The following GTF3A variants were observed in gnomAD, a reference collection of about 807,000 sequenced individuals.
The protein encoded by GTF3A is general transcription factor IIIA.
GTF3A carries 40 observed loss-of-function variants against 37.6 expected under a neutral mutation model. That is an observed-to-expected ratio of 1.06 (90% CI 0.83 to 1.38). GTF3A has a LOEUF of 1.38. Among genes scored for constraint, GTF3A ranks in the 40% most tolerant of loss-of-function variants. The pLI is 0.00. For synonymous variants in GTF3A, 191 were observed against 166.7 expected (o/e 1.15, Z -1.12); for missense variants, 500 against 462.6 (o/e 1.08, Z -0.74).
intron 4 of GTF3A, among the ~76,000 whole-genome samples, chr13:27,431,615 T>C (rs2138025902): frequency 6.6e-6 from 1 of 152,098 alleles, no homozygotes; most frequent in East Asian, 1.9e-4. Flanking sequence ...TTCATAAACT[T>C]TGGGGACTTG....
chr13:27,429,243 G>C (rs1026028153), intron 2 of GTF3A: 1 of 139,802 alleles, frequency 7.2e-6, no homozygotes, highest in Non-Finnish European at 1.5e-5. Flanking sequence ...AGGAAGTCCT[G>C]CTTCATCCCT....
At chr13:27,435,412 G>T (rs765197742) in intron 8 of GTF3A, 21 bp from the exon 9 acceptor site, 2 of 1,605,300 alleles carry the variant, frequency 1.2e-6, no homozygotes, top group East Asian at 2.2e-5. Flanking sequence ...TTCTAATCGT[G>T]TGTCTTCCTT....
At position 27,430,022 on chromosome 13, in the gene GTF3A, T is replaced by C. The variant is rs1446611187; in HGVS notation, c.399+56T>C. The C allele has an allele frequency of 2.0e-5, 19 of 927,912 alleles. No homozygotes were observed. In the African/African-American group the frequency reaches 2.5e-4, roughly 12 times the overall value. 57.5% of individuals were successfully genotyped at this position (927,912 alleles called of 1,614,324 possible). A position where few individuals can be genotyped will look rare whatever the true frequency, so the allele number is the denominator to read the frequency against. On this transcript the variant is annotated intron_variant, in intron 3 of 8. Transcript: ENST00000381140. ...TGAGTATTTTTACACTTACTGCCTA[T>C]GTTTCTGACATTTTCAGCCAGGTGC...
chr13:27,424,896 A>G lies in GTF3A; in HGVS notation c.159A>G (p.Lys53=). The change falls in exon 1 of 9, where the codon AAA becomes AAG. Residue 53 remains lysine (K), a synonymous_variant. Coordinates refer to ENST00000381140, the MANE Select transcript of GTF3A (RefSeq NM_002097.3). The stretch of plus-strand genomic sequence containing the variant: ...CTGACTGCAGCGCCAATTACAGCAA[A>G]GCCTGGAAGCTTGACGCGCACCTGT... 1 of 1,549,928 alleles carries G rather than the reference A, an allele frequency of 6.5e-7. No homozygotes were observed. The highest frequency in any genetic ancestry group is 8.7e-7 in the Non-Finnish European group (1 of 1,146,276).
In GTF3A at chr13:27,429,958, C is replaced by T; in HGVS notation, c.391C>T (p.Gln131Ter). 1 of 1,476,324 alleles carries T rather than the reference C, an allele frequency of 6.8e-7. No individual in the cohort carries two copies. Among genetic ancestry groups the T allele is most frequent in the East Asian group, 2.5e-5 (1 of 39,976 alleles). The allele number at this position is 1,476,324 out of a possible 1,614,324, so 91.5% of individuals were successfully genotyped here. Residue 131 changes from glutamine (Q) to a stop codon, truncating the protein, a stop_gained, in exon 3 of 9, where the codon CAA (glutamine) becomes TAA (stop). Coordinates refer to ENST00000381140, the MANE Select transcript of GTF3A (RefSeq NM_002097.3). LOFTEE classifies it high-confidence loss of function. ...ACGCAAACATGAAAATCAACAAAAA[C>T]AATATATAGTAAGTATGATTTTATA...
intron 2 of GTF3A, chr13:27,429,237 A>T (rs555283265): frequency 4.1e-5 from 6 of 146,054 alleles, no homozygotes; most frequent in African/African-American, 1.5e-4. Flanking sequence ...TGGGAAAGGA[A>T]GTCCTGCTTC....
At chr13:27,432,346 G>A (rs1250434847) in intron 4 of GTF3A, among the ~76,000 whole-genome samples, 1 of 152,110 alleles carries the variant, frequency 6.6e-6, no homozygotes, top group Non-Finnish European at 1.5e-5. Flanking sequence ...GTGCTGTCTC[G>A]CACACCCCCT....
chr13:27,428,113 T>C (rs762804711), intron 2 of GTF3A, among the ~76,000 whole-genome samples: 33 of 152,090 alleles, frequency 2.2e-4, no homozygotes, highest in Non-Finnish European at 4.3e-4. Context: ...ATTAAAGAAA[T>C]AAATAAATAA....
chr13:27,427,215 G>C, intron 2 of GTF3A, 23 bp downstream of exon 2: 1 of 1,209,774 alleles, frequency 8.3e-7, no homozygotes, highest in Non-Finnish European at 1.2e-6. Context: ...CTGTTTTTAG[G>C]CTTTTGAAGT....
rs746719771 is a variant in GTF3A, at chr13:27,434,932, T to C, written c.771T>C (p.Tyr257=). Reference sequence around the variant, plus strand: ...CAAGAGAAGGCTGTGGAAGAACCTATACAACTGTGTTTAATCTCCAAAGCC... The same window carrying C: ...CAAGAGAAGGCTGTGGAAGAACCTACACAACTGTGTTTAATCTCCAAAGCC... Residue 257 remains tyrosine, a synonymous_variant, in exon 7 of 9, where the codon TAT becomes TAC. Coordinates refer to ENST00000381140, the MANE Select transcript of GTF3A (RefSeq NM_002097.3). 3 of 1,610,012 alleles carry C rather than the reference T, an allele frequency of 1.9e-6. No homozygotes were observed. The highest frequency in any genetic ancestry group is 2.2e-5 in the East Asian group (1 of 44,854).
chr13:27,427,720 T>C (rs1953618229), intron 2 of GTF3A, among the ~76,000 whole-genome samples: 1 of 152,074 alleles, frequency 6.6e-6, no homozygotes, highest in South Asian at 2.1e-4. Context: ...GAAGCAACTA[T>C]ATTTGTATTT....
At chr13:27,430,320 G>C (rs1953645622) in intron 3 of GTF3A, among the ~76,000 whole-genome samples, 1 of 152,122 alleles carries the variant, frequency 6.6e-6, no homozygotes, top group African/African-American at 2.4e-5. Flanking sequence ...TAGTGTATTG[G>C]GAGACTATTC....
At chr13:27,434,410 T>C (rs1411239908) in intron 6 of GTF3A, among the ~76,000 whole-genome samples, 191 bp downstream of exon 6, 2 of 152,198 alleles carry the variant, frequency 1.3e-5, no homozygotes, top group Non-Finnish European at 2.9e-5. Flanking sequence ...CACCCCACCA[T>C]GCACAATTAG....
rs756621481 is a variant in GTF3A, at chr13:27,435,809, C to G, written c.*212C>G. 6.2e-7 allele frequency: 1 copy of G among 1,614,180 alleles called. No homozygotes were observed. Among genetic ancestry groups the G allele is most frequent in the East Asian group, 2.2e-5 (1 of 44,884 alleles). On this transcript the variant is annotated 3_prime_UTR_variant, in exon 9 of 9. Coordinates refer to ENST00000381140, the MANE Select transcript of GTF3A (RefSeq NM_002097.3). Reference sequence around the variant, plus strand: ...AAAGCACGAAGAACACACATTAAAGCTTTTCCTCCTTGAACAGCTTGTGGC... The same window carrying G: ...AAAGCACGAAGAACACACATTAAAGGTTTTCCTCCTTGAACAGCTTGTGGC...
chr13:27,426,742 G>T (rs1953607991), intron 1 of GTF3A, among the ~76,000 whole-genome samples: 1 of 152,130 alleles, frequency 6.6e-6, no homozygotes, highest in South Asian at 2.1e-4. Flanking sequence ...TCATGCGGTG[G>T]TGGGGATCCA....
Position 27,434,210 on chromosome 13 carries a change from A to T in GTF3A, c.634A>T (p.Thr212Ser). The change falls in exon 6 of 9, where the codon ACC becomes TCC. Residue 212 changes from threonine to serine, a missense_variant. Coordinates refer to ENST00000381140, the MANE Select transcript of GTF3A (RefSeq NM_002097.3). ...GGAACTTCTGAAACATGTGAGAGAA[A>T]CCCATAAAGGTAAGGCAGGCATGAA... 7.9e-7 allele frequency: 1 copy of T among 1,267,340 alleles called. No individual in the cohort carries two copies. Among genetic ancestry groups the T allele is most frequent in the Non-Finnish European group, 1.2e-6 (1 of 863,196 alleles). 78.5% of individuals were successfully genotyped at this position (1,267,340 alleles called of 1,614,324 possible). A position where few individuals can be genotyped will look rare whatever the true frequency, so the allele number is the denominator to read the frequency against.
At chr13:27,431,467 C>T (rs774607945) in intron 4 of GTF3A, among the ~76,000 whole-genome samples, 5 of 152,128 alleles carry the variant, frequency 3.3e-5, no homozygotes, top group Non-Finnish European at 5.9e-5. Flanking sequence ...TAAAAGGGAA[C>T]AAAATGATGT....
rs1401977623 is a variant in GTF3A at position 27,424,876 on chromosome 13, T to A, written c.139T>A (p.Cys47Ser). 1 of 1,549,994 alleles carries A rather than the reference T, an allele frequency of 6.5e-7. No individual in the cohort carries two copies. The highest frequency in any genetic ancestry group is 1.4e-5 in the African/African-American group (1 of 72,972). ...GAGGTTCATCTGCTCCTTCCCTGAC[T>A]GCAGCGCCAATTACAGCAAAGCCTG... Residue 47 changes from cysteine (C) to serine (S), a missense_variant, in exon 1 of 9, where the codon TGC becomes AGC. By Grantham distance (112) the Cys-to-Ser change is moderately radical. Coordinates refer to ENST00000381140, the MANE Select transcript of GTF3A (RefSeq NM_002097.3).
chr13:27,434,886 A>C lies in GTF3A; in HGVS notation c.725A>C (p.Glu242Ala), dbSNP rs1953695059. 24 of 1,613,164 alleles carry C rather than the reference A, an allele frequency of 1.5e-5. No individual in the cohort carries two copies. Among genetic ancestry groups the C allele is most frequent in the Non-Finnish European group, 2.0e-5 (24 of 1,179,114 alleles). ...CAACACATGAAAACTCATGCCCCAG[A>C]AAGGGATGTATGTCGCTGTCCAAGA... The change falls in exon 7 of 9, where the codon GAA becomes GCA. Residue 242 changes from glutamate to alanine, a missense_variant. Coordinates refer to ENST00000381140, the MANE Select transcript of GTF3A (RefSeq NM_002097.3).
Sources: allele counts gnomAD v4.1 joint callset (sites outside exome capture counted in the v4.1 genomes callset), GRCh38; gene constraint gnomAD v4.1.1; transcripts MANE v1.5; gene names NCBI Gene and HGNC (gene_info 2026-07-23, HGNC 2026-07-21).